DCDC1: variants seen among roughly 807,000 people sequenced by gnomAD.
DCDC1 encodes the protein doublecortin domain containing 1, also known as doublecortin domain-containing protein 1.
In DCDC1, 200 loss-of-function variants were observed where a neutral mutation model predicts 178.3. That is an observed-to-expected ratio of 1.12 (90% CI 1.00 to 1.26). The LOEUF (loss-of-function observed/expected upper bound fraction) is 1.26, where lower values mean the gene tolerates loss of function less well. Ranked by LOEUF, DCDC1 falls within the 50% of genes most tolerant of loss-of-function variation. The pLI is 0.00. For synonymous variants in DCDC1, 690 were observed against 604.8 expected (o/e 1.14, Z -2.07); for missense variants, 1,983 against 1,749.2 (o/e 1.13, Z -2.38).
intron 20 of DCDC1, among the ~76,000 whole-genome samples, chr11:31,010,946 G>C (rs1952130368): frequency 6.6e-6 from 1 of 151,930 alleles, no homozygotes. Context: ...AACTAATATT[G>C]AAATGTTTGT....
At chr11:31,085,939 G>C (rs527840646) in intron 17 of DCDC1, among the ~76,000 whole-genome samples, 2 of 151,948 alleles carry the variant, frequency 1.3e-5, no homozygotes, top group South Asian at 4.2e-4. Context: ...TGTTGCCCAG[G>C]CTGGTCTCAA....
Position 31,103,705 on chromosome 11 carries a change from T to C in DCDC1, c.1816A>G (p.Ile606Val), listed in dbSNP as rs1233258102. The change falls in exon 14 of 39, where the codon ATC (isoleucine) becomes GTC (valine). Residue 606 changes from isoleucine to valine, a missense_variant. Ile to Val is a conservative substitution (Grantham distance 29). Transcript: ENST00000684477. ...AAAAAGGTCTTATATGCAACCATGA[T>C]ATCACCTCTGGCAAATGCACTCACT... ...DRVSAFARGD[I>V]MVAYKTFLDP... 5 of 765,836 alleles carry C rather than the reference T, an allele frequency of 6.5e-6. No homozygotes were observed. The highest frequency in any genetic ancestry group is 2.4e-5 in the East Asian group (1 of 41,154). The allele number at this position is 765,836 out of a possible 1,614,324, so 47.4% of individuals were successfully genotyped here.
At chr11:31,037,520 C>T (rs1019581004) in intron 20 of DCDC1, among the ~76,000 whole-genome samples, 1 of 151,544 alleles carries the variant, frequency 6.6e-6, no homozygotes, top group African/African-American at 2.4e-5. Context: ...GCAAGCTCCG[C>T]CTCCCGGGAT....
intron 1 of DCDC1, among the ~76,000 whole-genome samples, chr11:31,357,581 T>C (rs1328915879): frequency 2.0e-5 from 3 of 152,162 alleles, no homozygotes; most frequent in African/African-American, 7.2e-5. Context: ...TTGGAAGTTC[T>C]GGCCAGGGCA....
intron 8 of DCDC1, among the ~76,000 whole-genome samples, chr11:31,249,100 G>C (rs577046005): frequency 1.1e-4 from 17 of 152,158 alleles, no homozygotes; most frequent in East Asian, 9.6e-4. Flanking sequence ...CAAACTTAAG[G>C]ATTTTCTAAA....
chr11:30,939,955 T>C (rs956973552), intron 21 of DCDC1, among the ~76,000 whole-genome samples: 2 of 152,220 alleles, frequency 1.3e-5, no homozygotes, highest in Non-Finnish European at 2.9e-5. Flanking sequence ...TTTTGGACTA[T>C]TAAGGCTGTC....
chr11:31,245,070 C>G (rs1269919909), intron 8 of DCDC1, among the ~76,000 whole-genome samples: 9 of 151,696 alleles, frequency 5.9e-5, no homozygotes, highest in Non-Finnish European at 1.2e-4. Flanking sequence ...CCCCTCTTTC[C>G]CCACCTATTA....
chr11:31,031,976 T>G (rs372352243), intron 20 of DCDC1, among the ~76,000 whole-genome samples: 2 of 152,206 alleles, frequency 1.3e-5, no homozygotes, highest in African/African-American at 4.8e-5. Flanking sequence ...AAGTGGTATA[T>G]ATTTAGTTAA....
At position 30,892,951 on chromosome 11, in the gene DCDC1, G is replaced by A. The variant is rs754975870; in HGVS notation, c.4949C>T (p.Pro1650Leu). 5.8e-5 allele frequency: 93 copies of A among 1,613,750 alleles called. No homozygotes were observed. The East Asian group carries it at 2.0e-3, about 35-fold the overall frequency. Reference sequence around the variant, plus strand: ...GACTGCTATACGTTTGGTTGCAATTGGAAAATTTATTTTGGATTCCATTTC... The same window carrying A: ...GACTGCTATACGTTTGGTTGCAATTAGAAAATTTATTTTGGATTCCATTTC... ...IQEMESKINF[P>L]IATKRIAVKP... is the part of the protein sequence containing the mutation. Residue 1650 changes from proline (P) to leucine (L), a missense_variant, in exon 36 of 39, where the codon CCA becomes CTA. Transcript: ENST00000684477.
chr11:31,047,656 T>C (rs1394683846), intron 20 of DCDC1, among the ~76,000 whole-genome samples: 1 of 152,208 alleles, frequency 6.6e-6, no homozygotes, highest in Non-Finnish European at 1.5e-5. Flanking sequence ...TTTTATAATG[T>C]GACTATAGTT....
intron 20 of DCDC1, among the ~76,000 whole-genome samples, chr11:31,054,256 AAAC>A (rs1283018323): frequency 1.2e-4 from 18 of 151,878 alleles, no homozygotes; most frequent in African/African-American, 3.9e-4. Flanking sequence ...AAAAAAAAAA[AAAC>A]AACTTAAGAA....
chr11:31,023,073 A>T (rs553027803), intron 20 of DCDC1, among the ~76,000 whole-genome samples: 2 of 152,208 alleles, frequency 1.3e-5, no homozygotes, highest in East Asian at 3.9e-4. Flanking sequence ...CTAAGGAAGG[A>T]TTAAGATCAA....
At chr11:31,174,005 G>A (rs573865463) in intron 9 of DCDC1, among the ~76,000 whole-genome samples, 30 of 152,236 alleles carry the variant, frequency 2.0e-4, no homozygotes, top group African/African-American at 6.7e-4. Context: ...CCAGGAACAG[G>A]TGGAAGCCCT....
chr11:31,067,593 T>A (rs1021982631), intron 18 of DCDC1, among the ~76,000 whole-genome samples: 1 of 152,008 alleles, frequency 6.6e-6, no homozygotes, highest in African/African-American at 2.4e-5. Context: ...TCCATACCAA[T>A]ATTCATAGCA....
At chr11:30,934,929 T>G (rs561884775) in intron 21 of DCDC1, among the ~76,000 whole-genome samples, 15 of 152,326 alleles carry the variant, frequency 9.8e-5, no homozygotes, top group African/African-American at 3.4e-4. Context: ...GTAAAGTGTT[T>G]ATTAGGGTCT....
intron 36 of DCDC1, chr11:30,883,243 A>G (rs1172632839): frequency 6.1e-6 from 1 of 164,310 alleles, no homozygotes; most frequent in African/African-American, 2.4e-5. Context: ...AAGGTAAGAA[A>G]GAAAAAAGAC....
intron 20 of DCDC1, among the ~76,000 whole-genome samples, chr11:30,971,220 T>C (rs1173975455): frequency 6.6e-6 from 1 of 152,130 alleles, no homozygotes; most frequent in Non-Finnish European, 1.5e-5. Flanking sequence ...GATATGCAGA[T>C]ATCAATAACA....
At chr11:31,338,223 T>C (rs1950367758) in intron 1 of DCDC1, among the ~76,000 whole-genome samples, 1 of 152,152 alleles carries the variant, frequency 6.6e-6, no homozygotes, top group South Asian at 2.1e-4. Flanking sequence ...CAGTGACTCT[T>C]GTGTTAATCC....
chr11:31,246,391 T>C (rs1943567037), intron 8 of DCDC1, among the ~76,000 whole-genome samples: 1 of 151,956 alleles, frequency 6.6e-6, no homozygotes, highest in Non-Finnish European at 1.5e-5. Flanking sequence ...AATACTTGGC[T>C]ATTGCTAACA....
Sources: allele counts gnomAD v4.1 joint callset (sites outside exome capture counted in the v4.1 genomes callset), GRCh38; gene constraint gnomAD v4.1.1; transcripts MANE v1.5; gene names NCBI Gene and HGNC (gene_info 2026-07-23, HGNC 2026-07-21).